SLC24A3: variants seen among roughly 807,000 people sequenced by gnomAD.
SLC24A3 encodes sodium/potassium/calcium exchanger 3.
A neutral mutation model predicts 75.8 loss-of-function variants in SLC24A3; 28 were observed. That is an observed-to-expected ratio of 0.37 (90% CI 0.27 to 0.51). SLC24A3 has a LOEUF of 0.51. SLC24A3 is among the 20% of genes least tolerant of loss of function. The pLI, the probability that SLC24A3 is intolerant of heterozygous loss-of-function variation, is 0.94. For synonymous variants in SLC24A3, 372 were observed against 334.1 expected (o/e 1.11, Z -1.24); for missense variants, 663 against 847.8 (o/e 0.78, Z 2.71).
At chr20:19,454,482 A>G (rs1398816819) in intron 2 of SLC24A3, among the ~76,000 whole-genome samples, 18 of 152,190 alleles carry the variant, frequency 1.2e-4, no homozygotes, top group Admixed American at 1.2e-3. Context: ...TACAGCTGCT[A>G]TGTTAGCAAT....
At chr20:19,656,858 T>G (rs141185274) in intron 7 of SLC24A3, among the ~76,000 whole-genome samples, 30 of 152,374 alleles carry the variant, frequency 2.0e-4, no homozygotes, top group African/African-American at 7.2e-4. Context: ...GTGAAATCAC[T>G]TGTCTTCTGT....
intron 3 of SLC24A3, among the ~76,000 whole-genome samples, chr20:19,535,065 A>G (rs2030371759): frequency 6.6e-6 from 1 of 152,236 alleles, no homozygotes; most frequent in African/African-American, 2.4e-5. Context: ...AACTCTTTTT[A>G]ACAGAGTATT....
intron 6 of SLC24A3, among the ~76,000 whole-genome samples, chr20:19,646,842 T>C (rs1160358693): frequency 2.4e-5 from 1 of 42,368 alleles, no homozygotes; most frequent in Non-Finnish European, 5.7e-5. Flanking sequence ...TACAAAACTC[T>C]GTGTGTGTGC....
In SLC24A3 at chr20:19,299,641, T is replaced by C. The variant is rs576332688; in HGVS notation, c.271+18554T>C. ...TATTTCTAGAAGTGTTGCTGGGGCCTGGGGCCTGGAACTTATGTAAACGCA... is the reference window on the plus strand; with the variant it reads ...TATTTCTAGAAGTGTTGCTGGGGCCCGGGGCCTGGAACTTATGTAAACGCA... On this transcript the variant is annotated intron_variant, in intron 2 of 16. Coordinates refer to ENST00000328041, the MANE Select transcript of SLC24A3 (RefSeq NM_020689.4). Among the ~76,000 whole-genome samples the C allele has an allele frequency of 6.6e-5, 10 of 152,320 alleles. No individual in the cohort carries two copies. In the South Asian group the frequency reaches 8.3e-4, roughly 13 times the overall value.
intron 2 of SLC24A3, among the ~76,000 whole-genome samples, chr20:19,402,926 T>C (rs1986578790): frequency 6.6e-6 from 1 of 152,240 alleles, no homozygotes; most frequent in Non-Finnish European, 1.5e-5. Context: ...ACATGGCTCT[T>C]GAGCACTGGA....
At chr20:19,451,866 G>GT (rs1164508544) in intron 2 of SLC24A3, among the ~76,000 whole-genome samples, 2 of 152,136 alleles carry the variant, frequency 1.3e-5, no homozygotes, top group African/African-American at 2.4e-5. Context: ...CTTGGTCTCT[G>GT]TTTTTTTCCC....
At chr20:19,673,456 T>C (rs1296660842) in intron 8 of SLC24A3, 145 bp from the exon 9 acceptor site, 3 of 673,902 alleles carry the variant, frequency 4.5e-6, no homozygotes, top group Non-Finnish European at 8.0e-6. Context: ...AGAATGTCTC[T>C]AGACCAGGAA....
intron 2 of SLC24A3, among the ~76,000 whole-genome samples, chr20:19,442,743 A>G (rs1371271795): frequency 2.6e-5 from 4 of 152,032 alleles, no homozygotes; most frequent in Non-Finnish European, 5.9e-5. Flanking sequence ...TTTATTTTGT[A>G]TGTTGCATCT....
intron 2 of SLC24A3, among the ~76,000 whole-genome samples, chr20:19,333,344 T>TA (rs1985044316): frequency 6.6e-6 from 1 of 152,178 alleles, no homozygotes; most frequent in African/African-American, 2.4e-5. Context: ...ATCTGTTCAT[T>TA]ACAACCAGGG....
At position 19,704,577 on chromosome 20, in the gene SLC24A3, AT is replaced by A. The variant is rs145228544; in HGVS notation, c.1719+5898del. On this transcript the variant is annotated intron_variant, in intron 15 of 16. Coordinates refer to ENST00000328041, the MANE Select transcript of SLC24A3 (RefSeq NM_020689.4). ...CCTGATTGCACTAACTTCAGAGGAC[AT>A]CTGCCTTATGCAGATGATGAGTTGA... is the stretch of plus-strand genomic sequence containing the variant. Among the ~76,000 whole-genome samples the A allele has an allele frequency of 5.0e-3, 756 of 152,328 alleles. 7 individuals are homozygous for A. The highest frequency in any genetic ancestry group is 0.018 in the African/African-American group (729 of 41,574).
chr20:19,548,437 G>A (rs2030638406), intron 3 of SLC24A3, among the ~76,000 whole-genome samples: 1 of 152,166 alleles, frequency 6.6e-6, no homozygotes. Flanking sequence ...CACTAGTATG[G>A]TAGGCTAATT....
At chr20:19,289,309 G>A (rs1171357580) in intron 2 of SLC24A3, among the ~76,000 whole-genome samples, 1 of 152,074 alleles carries the variant, frequency 6.6e-6, no homozygotes, top group African/African-American at 2.4e-5. Flanking sequence ...TGAAACCACG[G>A]GCCTGGAACA....
In SLC24A3 at chr20:19,722,815, T is replaced by C. The variant is rs1035630024; in HGVS notation, c.*1675T>C. 1 of 152,642 alleles carries C rather than the reference T, an allele frequency of 6.6e-6. No homozygotes were observed. Among genetic ancestry groups the C allele is most frequent in the Non-Finnish European group, 1.5e-5 (1 of 68,034 alleles). 9.5% of individuals were successfully genotyped at this position (152,642 alleles called of 1,614,324 possible). On this transcript the variant is annotated 3_prime_UTR_variant, in exon 17 of 17. Coordinates refer to ENST00000328041, the MANE Select transcript of SLC24A3 (RefSeq NM_020689.4). Reference sequence around the variant, plus strand: ...GGCTCTCAGAGCTAAGACACACTTATTGATTCTGTTGCACATTTTGCACTG... The same window carrying C: ...GGCTCTCAGAGCTAAGACACACTTACTGATTCTGTTGCACATTTTGCACTG...
At chr20:19,329,110 T>C (rs1330526947) in intron 2 of SLC24A3, among the ~76,000 whole-genome samples, 1 of 152,080 alleles carries the variant, frequency 6.6e-6, no homozygotes, top group Non-Finnish European at 1.5e-5. Context: ...CTGATTGTAA[T>C]GGGTCCAAAA....
At chr20:19,538,884 A>T (rs1055117483) in intron 3 of SLC24A3, among the ~76,000 whole-genome samples, 3 of 152,228 alleles carry the variant, frequency 2.0e-5, no homozygotes, top group Non-Finnish European at 4.4e-5. Context: ...GAAAGGATAA[A>T]CTGTGCTGTG....
chr20:19,687,910 G>A (rs921034533), intron 12 of SLC24A3, among the ~76,000 whole-genome samples: 1 of 152,156 alleles, frequency 6.6e-6, no homozygotes, highest in Non-Finnish European at 1.5e-5. Flanking sequence ...GGGCTCCTGT[G>A]TATGAGGAGA....
At chr20:19,672,998 T>C (rs2032485964) in intron 8 of SLC24A3, among the ~76,000 whole-genome samples, 1 of 152,194 alleles carries the variant, frequency 6.6e-6, no homozygotes, top group Non-Finnish European at 1.5e-5. Flanking sequence ...GCCACTAAGA[T>C]AAAGAAAACA....
chr20:19,420,417 A>G (rs1432450883), intron 2 of SLC24A3, among the ~76,000 whole-genome samples: 1 of 128,636 alleles, frequency 7.8e-6, no homozygotes, highest in Non-Finnish European at 1.6e-5. Flanking sequence ...GACTTCCACA[A>G]TGGTTGAACT....
intron 1 of SLC24A3, among the ~76,000 whole-genome samples, chr20:19,220,784 A>G (rs963562262): frequency 6.6e-6 from 1 of 152,166 alleles, no homozygotes; most frequent in African/African-American, 2.4e-5. Flanking sequence ...ACCTCCCAGA[A>G]ATTCTATTGT....
Sources: gnomAD v4.1 joint callset for allele counts (sites outside exome capture counted in the v4.1 genomes callset) on GRCh38, gnomAD v4.1.1 for gene constraint, MANE v1.5 for transcripts, NCBI Gene and HGNC (gene_info 2026-07-23, HGNC 2026-07-21) for gene names.